Variants in RARS1 observed in about 807,000 individuals in gnomAD.
RARS1 encodes the protein arginyl-tRNA synthetase 1.
RARS1 carries 75 observed loss-of-function variants against 78.7 expected under a neutral mutation model. The ratio of observed to expected loss-of-function variants is 0.95; its 90% CI spans 0.79 to 1.15. The LOEUF is 1.15. Among genes scored for constraint, RARS1 ranks in the 50% most tolerant of loss-of-function variants. The pLI, the probability that RARS1 is intolerant of heterozygous loss-of-function variation, is 0.00. For missense variants in RARS1, 787 were observed against 787.5 expected (o/e 1.00, Z 0.01); for synonymous variants, 273 against 268.2 (o/e 1.02, Z -0.18).
At chr5:168,488,492 G>A (rs1405395498) in intron 1 of RARS1, 110 bp from the exon 2 acceptor site, 1 of 1,195,164 alleles carries the variant, frequency 8.4e-7, no homozygotes, top group Non-Finnish European at 1.2e-6. Flanking sequence ...AAGAAACACA[G>A]CTCATCAAAG....
chr5:168,505,764 G>T (rs1188289461), intron 9 of RARS1, among the ~76,000 whole-genome samples: 1 of 149,504 alleles, frequency 6.7e-6, no homozygotes, highest in Non-Finnish European at 1.5e-5. Context: ...TAGTGTTTAA[G>T]TGTGGAAAAC....
intron 13 of RARS1, among the ~76,000 whole-genome samples, chr5:168,517,462 T>G (rs531111219): frequency 6.6e-6 from 1 of 152,290 alleles, no homozygotes; most frequent in Admixed American, 6.5e-5. Context: ...CTTTTCAGAC[T>G]TATTTTTCTG....
chr5:168,499,485 G>A (rs1341475598), intron 7 of RARS1, among the ~76,000 whole-genome samples: 2 of 152,098 alleles, frequency 1.3e-5, no homozygotes, highest in South Asian at 2.1e-4. Context: ...TAGGATTCCT[G>A]TATTAAAAAG....
chr5:168,492,557 T>G (rs1758106704), intron 2 of RARS1, 102 bp from the exon 3 acceptor site: 1 of 1,039,038 alleles, frequency 9.6e-7, no homozygotes, highest in Non-Finnish European at 1.4e-6. Context: ...TCCCTTTTGG[T>G]TCTTAAGATA....
At chr5:168,488,567 T>C in intron 1 of RARS1, 35 bp from the exon 2 acceptor site, 1 of 1,586,770 alleles carries the variant, frequency 6.3e-7, no homozygotes, top group South Asian at 1.2e-5. Context: ...TGGAAGTAAG[T>C]TTATGGACTG....
At chr5:168,507,868 C>T (rs1468645569) in intron 11 of RARS1, among the ~76,000 whole-genome samples, 2 of 142,190 alleles carry the variant, frequency 1.4e-5, no homozygotes, top group African/African-American at 5.3e-5. Context: ...GGTGAAACCC[C>T]ATATCTGCCA....
At chr5:168,493,703 G>A (rs1305260475) in intron 3 of RARS1, among the ~76,000 whole-genome samples, 191 bp from the exon 4 acceptor site, 3 of 151,396 alleles carry the variant, frequency 2.0e-5, no homozygotes, top group South Asian at 4.2e-4. Context: ...AGATCATGTA[G>A]TGTGGGCACT....
chr5:168,510,654 A>G lies in RARS1; in HGVS notation c.1420A>G (p.Met474Val), dbSNP rs1478647475. 4 of 1,610,784 alleles carry G rather than the reference A, an allele frequency of 2.5e-6. No individual in the cohort carries two copies. The highest frequency in any genetic ancestry group is 2.2e-5 in the East Asian group (1 of 44,776). ...DLLGEGLKRS[M>V]DKLKEKERDK... ...TCTGGGAGAAGGACTAAAACGATCCATGGACAAGTTGAAGGAAAAAGAAAG... is the reference window on the plus strand; with the variant it reads ...TCTGGGAGAAGGACTAAAACGATCCGTGGACAAGTTGAAGGAAAAAGAAAG... The change falls in exon 12 of 15, where the codon ATG becomes GTG. Residue 474 changes from methionine (M) to valine (V), a missense_variant. Coordinates refer to ENST00000231572, the MANE Select transcript of RARS1 (RefSeq NM_002887.4).
intron 1 of RARS1, chr5:168,488,070 A>T (rs983798680): frequency 1.8e-5 from 5 of 276,022 alleles, no homozygotes; most frequent in Non-Finnish European, 3.6e-5. Context: ...ATCCCATTAT[A>T]TACTTACTCC....
At chr5:168,494,386 G>A (rs1279068399) in intron 4 of RARS1, 164 bp from the exon 5 acceptor site, 5 of 985,266 alleles carry the variant, frequency 5.1e-6, no homozygotes, top group East Asian at 2.3e-4. Context: ...TGAAGTAGAC[G>A]GTGAGACAGG....
rs1758144541 is a variant in RARS1, at chr5:168,494,569, A to G, written c.498A>G (p.Leu166=). Reference sequence around the variant, plus strand: ...CATTAGGTTTTATTAATGTCCACTTAAGAAAGGATTTTGTATCAGAACAAT... The same window carrying G: ...CATTAGGTTTTATTAATGTCCACTTGAGAAAGGATTTTGTATCAGAACAAT... ...IAGPGFINVH[L]RKDFVSEQLT... The change falls in exon 5 of 15, where the codon TTA becomes TTG. Residue 166 remains leucine (L), a synonymous_variant. Coordinates refer to ENST00000231572, the MANE Select transcript of RARS1 (RefSeq NM_002887.4). The G allele has an allele frequency of 6.2e-7, 1 of 1,610,924 alleles. No individual in the cohort carries two copies. Among genetic ancestry groups the G allele is most frequent in the Non-Finnish European group, 8.5e-7 (1 of 1,177,200 alleles).
chr5:168,486,582 A>G, intron 1 of RARS1, 39 bp downstream of exon 1: 3 of 1,549,682 alleles, frequency 1.9e-6, no homozygotes, highest in Non-Finnish European at 2.6e-6. Context: ...CCTGAAAGAG[A>G]TGGAGCAGGC....
intron 5 of RARS1, chr5:168,494,937 C>A: frequency 2.9e-6 from 1 of 346,644 alleles, no homozygotes; most frequent in East Asian, 5.4e-5. Flanking sequence ...GAAATTTAAT[C>A]ATTCACATTT....
intron 10 of RARS1, 139 bp downstream of exon 10, chr5:168,506,338 G>GA: frequency 1.4e-6 from 1 of 735,894 alleles, no homozygotes; most frequent in Non-Finnish European, 2.1e-6. Flanking sequence ...TAGCATAGAA[G>GA]AAAGAAGAGG....
At chr5:168,518,185 G>T in intron 14 of RARS1, 123 bp downstream of exon 14, 1 of 1,192,522 alleles carries the variant, frequency 8.4e-7, no homozygotes, top group Non-Finnish European at 1.1e-6. Context: ...CTGGCCTCAA[G>T]TGATTCTCCC....
intron 11 of RARS1, among the ~76,000 whole-genome samples, chr5:168,508,813 G>T (rs981561984): frequency 6.6e-6 from 1 of 152,010 alleles, no homozygotes; most frequent in South Asian, 2.1e-4. Flanking sequence ...GATGTGCTGT[G>T]CATGGTGTTG....
chr5:168,494,249 T>C (rs76943812), intron 4 of RARS1: 48 of 985,282 alleles, frequency 4.9e-5, no homozygotes, highest in Non-Finnish European at 5.8e-5. Context: ...AAAATGAGGA[T>C]AGATAATGGC....
intron 5 of RARS1, chr5:168,495,099 T>C: frequency 1.3e-6 from 1 of 766,962 alleles, no homozygotes; most frequent in Middle Eastern, 4.4e-4. Flanking sequence ...TATACATGAA[T>C]TTGATTCTTT....
In RARS1 at chr5:168,492,781, A is replaced by G. The variant is rs1234194290; in HGVS notation, c.303A>G (p.Leu101=). ...CAGATTTGGAAAATCCTCCTCTGCT[A>G]GTGACACCAAGTCAGCAGGCCAAGT... ...AYPDLENPPL[L]VTPSQQAKFG... is the part of the protein sequence containing the mutation. Residue 101 remains leucine, a synonymous_variant, in exon 3 of 15, where the codon CTA becomes CTG. Transcript: ENST00000231572. The G allele has an allele frequency of 1.2e-6, 2 of 1,613,986 alleles. No individual in the cohort carries two copies. The highest frequency in any genetic ancestry group is 4.5e-5 in the East Asian group (2 of 44,888).
Sources: allele counts gnomAD v4.1 joint callset (sites outside exome capture counted in the v4.1 genomes callset), GRCh38; gene constraint gnomAD v4.1.1; transcripts MANE v1.5; gene names NCBI Gene and HGNC (gene_info 2026-07-23, HGNC 2026-07-21).